Variants in MAST4 observed in about 807,000 individuals in gnomAD.
MAST4 encodes microtubule associated serine/threonine kinase family member 4.
In MAST4, 89 loss-of-function variants were observed where a neutral mutation model predicts 162.7. That is an observed-to-expected ratio of 0.55 (90% CI 0.46 to 0.65). MAST4 has a LOEUF of 0.65. Ranked by LOEUF, MAST4 falls within the 30% of genes least tolerant of loss-of-function variation. MAST4 has a pLI of 0.00. For synonymous variants in MAST4, 1,479 were observed against 1,361.1 expected, an observed-to-expected ratio of 1.09 and a Z score of -1.91; for missense variants, 3,153 against 3,374.0, an observed-to-expected ratio of 0.93 and a Z score of 1.62.
chr5:67,118,673 C>A lies in MAST4; in HGVS notation c.1592-9C>A. ...TTATTAAGCTTAACTTTTTTTTTTTCCAACTTAGAAATGGCTCATTTGGGA... is the reference window on the plus strand; with the variant it reads ...TTATTAAGCTTAACTTTTTTTTTTTACAACTTAGAAATGGCTCATTTGGGA... On this transcript the variant is annotated splice_polypyrimidine_tract_variant and intron_variant, in intron 12 of 28. Coordinates refer to ENST00000403625, the MANE Select transcript of MAST4 (RefSeq NM_001164664.2). The A allele has an allele frequency of 6.7e-7, 1 of 1,494,108 alleles. No homozygotes were observed. The highest frequency in any genetic ancestry group is 9.0e-7 in the Non-Finnish European group (1 of 1,107,660). The allele number at this position is 1,494,108 out of a possible 1,614,324, so 92.6% of individuals were successfully genotyped here. A position where few individuals can be genotyped will look rare whatever the true frequency, so the allele number is the denominator to read the frequency against.
At chr5:66,951,598 A>ATGTGTGTGTGTG (rs59043309) in intron 4 of MAST4, among the ~76,000 whole-genome samples, 52 of 122,412 alleles carry the variant, frequency 4.2e-4, no homozygotes, top group East Asian at 3.2e-3. Context: ...CTCCCATGAT[A>ATGTGTGTGTGTG]TGTGTGTGTG....
At position 66,798,323 on chromosome 5, in the gene MAST4, C is replaced by T. The variant is rs140287747; in HGVS notation, c.642+9529C>T. On this transcript the variant is annotated intron_variant, in intron 3 of 28. Transcript: ENST00000403625. ...ATCAGCTTCCATTAAAAAAAGTCTTCAATAATGAGTGCTAAGTAGTGGCAG... is the reference window on the plus strand; with the variant it reads ...ATCAGCTTCCATTAAAAAAAGTCTTTAATAATGAGTGCTAAGTAGTGGCAG... Among the ~76,000 whole-genome samples the T allele has an allele frequency of 2.3e-3, 353 of 152,208 alleles. 7 individuals are homozygous for T. The highest frequency in any genetic ancestry group is 0.022 in the Admixed American group (334 of 15,272).
intron 3 of MAST4, among the ~76,000 whole-genome samples, chr5:66,806,282 T>G (rs1238666908): frequency 6.6e-6 from 1 of 152,206 alleles, no homozygotes; most frequent in Admixed American, 6.5e-5. Flanking sequence ...TGGGCAGGAT[T>G]GAATGGTCCT....
At chr5:66,822,666 C>G (rs1204722850) in intron 3 of MAST4, among the ~76,000 whole-genome samples, 1 of 152,210 alleles carries the variant, frequency 6.6e-6, no homozygotes, top group South Asian at 2.1e-4. Context: ...GGCCCTGCTG[C>G]GTTTCTCTCT....
At position 67,163,706 on chromosome 5, in the gene MAST4, C is replaced by G. The variant is rs1193205591; in HGVS notation, c.4527C>G (p.Cys1509Trp). 6.2e-7 allele frequency: 1 copy of G among 1,608,704 alleles called. No homozygotes were observed. The highest frequency in any genetic ancestry group is 8.5e-7 in the Non-Finnish European group (1 of 1,178,100). ...GCGCCCGGCCAGTGGAGCAAGGCTG[C>G]CTGAAACGCCCAGTCTCCCGGAAGG... ...LSRARPVEQG[C>W]LKRPVSRKVG... Residue 1509 changes from cysteine to tryptophan, a missense_variant, in exon 29 of 29, where the codon TGC becomes TGG. Cys to Trp is a radical substitution (Grantham distance 215, BLOSUM62 -2). Transcript: ENST00000403625. This position sits in a 1 kb window ranked among gnomAD's most constrained non-coding sequence, Gnocchi z 7.0.
chr5:66,953,210 G>T (rs1480036430), intron 4 of MAST4, among the ~76,000 whole-genome samples: 2 of 152,108 alleles, frequency 1.3e-5, no homozygotes, highest in African/African-American at 4.8e-5. Context: ...CAGGGAACAC[G>T]ATTGCCCTAA....
At chr5:66,873,172 T>C (rs1223038564) in intron 3 of MAST4, among the ~76,000 whole-genome samples, 1 of 152,190 alleles carries the variant, frequency 6.6e-6, no homozygotes, top group Admixed American at 6.5e-5. Flanking sequence ...CAAATAGGTT[T>C]AAAAGGTCAC....
At chr5:66,697,861 C>T (rs1749503617) in intron 1 of MAST4, among the ~76,000 whole-genome samples, 1 of 152,028 alleles carries the variant, frequency 6.6e-6, no homozygotes, top group Non-Finnish European at 1.5e-5. Flanking sequence ...GATATGACAC[C>T]TAATAACATT....
At chr5:66,950,472 T>C (rs1181595002) in intron 4 of MAST4, among the ~76,000 whole-genome samples, 2 of 152,172 alleles carry the variant, frequency 1.3e-5, no homozygotes, top group African/African-American at 4.8e-5. Flanking sequence ...TTTGTCTCTA[T>C]GAATTTGACT....
intron 4 of MAST4, among the ~76,000 whole-genome samples, chr5:66,986,768 C>A (rs2150261467): frequency 6.6e-6 from 1 of 151,926 alleles, no homozygotes; most frequent in South Asian, 2.1e-4. Context: ...GTGCACATCA[C>A]CATGCCTGGC....
chr5:67,112,076 T>C (rs1766310265), intron 11 of MAST4, among the ~76,000 whole-genome samples: 1 of 151,958 alleles, frequency 6.6e-6, no homozygotes, highest in South Asian at 2.1e-4. Context: ...ATATGGCCTT[T>C]AAAAACTCCT....
intron 3 of MAST4, among the ~76,000 whole-genome samples, chr5:66,887,218 G>A (rs1333072957): frequency 6.6e-6 from 1 of 152,160 alleles, no homozygotes; most frequent in African/African-American, 2.4e-5. Flanking sequence ...TTAAAAAAGG[G>A]AAACAACTTG....
intron 1 of MAST4, among the ~76,000 whole-genome samples, chr5:66,674,478 A>G (rs1283880343): frequency 6.6e-5 from 10 of 152,352 alleles, no homozygotes; most frequent in Non-Finnish European, 2.9e-5. Context: ...TTCTTGTTAA[A>G]GAGACTGATA....
In MAST4 at chr5:66,607,849, T is replaced by G. The variant is rs78443309; in HGVS notation, c.363+10831T>G. 4.7e-3 allele frequency among the ~76,000 whole-genome samples: 719 copies of G among 152,312 alleles called. 3 individuals carry two copies. Among genetic ancestry groups the G allele is most frequent in the Non-Finnish European group, 8.3e-3 (563 of 68,028 alleles). ...CTATACTTTTTTAGGAACTGTTGAT[T>G]GACATTTTCTTTTTGACGGACTTGA... On this transcript the variant is annotated intron_variant, in intron 1 of 28. Transcript: ENST00000403625.
intron 3 of MAST4, among the ~76,000 whole-genome samples, chr5:66,862,037 C>G (rs931800202): frequency 6.6e-6 from 1 of 152,158 alleles, no homozygotes; most frequent in Non-Finnish European, 1.5e-5. Flanking sequence ...CTTCTCCTTT[C>G]CTGCGACCCT....
chr5:67,013,625 G>T (rs551628522), intron 4 of MAST4, among the ~76,000 whole-genome samples: 2 of 151,468 alleles, frequency 1.3e-5, no homozygotes, highest in Non-Finnish European at 3.0e-5. Flanking sequence ...TCTCAGCTAT[G>T]AAATCTGTAG....
At chr5:66,850,223 T>C (rs1310074236) in intron 3 of MAST4, among the ~76,000 whole-genome samples, 1 of 152,250 alleles carries the variant, frequency 6.6e-6, no homozygotes, top group Non-Finnish European at 1.5e-5. Context: ...TTGTAGAATT[T>C]TAAGTCTAGG....
intron 1 of MAST4, among the ~76,000 whole-genome samples, chr5:66,703,096 C>T (rs1016977036): frequency 3.9e-5 from 6 of 152,114 alleles, no homozygotes; most frequent in East Asian, 1.9e-4. Context: ...AGGTGGCTGG[C>T]GTAGCACTGC....
At chr5:66,728,128 A>G (rs992189331) in intron 1 of MAST4, among the ~76,000 whole-genome samples, 4 of 152,228 alleles carry the variant, frequency 2.6e-5, no homozygotes, top group African/African-American at 9.6e-5. Flanking sequence ...AACATTTAAA[A>G]TAAATGGCTA....
Sources: allele counts gnomAD v4.1 joint callset (sites outside exome capture counted in the v4.1 genomes callset), GRCh38; gene constraint gnomAD v4.1.1; non-coding constraint Gnocchi (gnomAD v3.1); transcripts MANE v1.5; gene names NCBI Gene and HGNC (gene_info 2026-07-23, HGNC 2026-07-21).